Variants in ZFHX3 observed in about 807,000 individuals in gnomAD.
The protein encoded by ZFHX3 is zinc finger homeobox protein 3.
A neutral mutation model predicts 279.1 loss-of-function variants in ZFHX3; 42 were observed. The ratio of observed to expected loss-of-function variants is 0.15; its 90% CI spans 0.12 to 0.19. The LOEUF is 0.19. Ranked by LOEUF, ZFHX3 falls within the 10% of genes least tolerant of loss-of-function variation. The pLI is 1.00. For synonymous variants in ZFHX3, 2,293 were observed against 1,957.8 expected (o/e 1.17, Z -4.52); for missense variants, 4,981 against 4,754.0 (o/e 1.05, Z -1.40).
At chr16:73,456,860 T>C (rs1000516553) in intron 2 of ZFHX3, among the ~76,000 whole-genome samples, 4 of 152,148 alleles carry the variant, frequency 2.6e-5, no homozygotes, top group African/African-American at 9.7e-5. Flanking sequence ...AACTGATAAT[T>C]CTCTGCTGGC....
At chr16:72,927,821 A>G (rs1378889764) in intron 3 of ZFHX3, among the ~76,000 whole-genome samples, 1 of 151,956 alleles carries the variant, frequency 6.6e-6, no homozygotes, top group Non-Finnish European at 1.5e-5. Flanking sequence ...TGGCTCATGT[A>G]TTTACAAACT....
rs184720693 is a variant in ZFHX3 at position 73,243,207 on chromosome 16, T to C, written c.-1104+13840A>G. On this transcript the variant is annotated intron_variant, in intron 5 of 17. Transcript: ENST00000641206. ...GTATCAACATTTTGAAGTGGTTATA[T>C]AGGCCTGGTGGGATGGGTGTCCCTT... is the stretch of plus-strand genomic sequence containing the variant. Among the ~76,000 whole-genome samples the C allele has an allele frequency of 1.6e-4, 24 of 152,356 alleles. No homozygotes were observed. In the East Asian group the frequency reaches 3.5e-3, roughly 22 times the overall value.
Position 73,764,630 on chromosome 16 carries a change from C to A in ZFHX3, c.-1607-84390G>T, listed in dbSNP as rs368505338. Among the ~76,000 whole-genome samples the A allele has an allele frequency of 5.4e-4, 82 of 152,218 alleles. 1 individual carries two copies. Among genetic ancestry groups the A allele is most frequent in the African/African-American group, 1.4e-3 (60 of 41,542 alleles). On this transcript the variant is annotated intron_variant, in intron 1 of 17. Transcript: ENST00000641206. The stretch of plus-strand genomic sequence containing the variant: ...CTCAAGATGAGAAGGAAGGAGAGCT[C>A]TCTATGTTCGTAGTCCAGCCATATA...
intron 3 of ZFHX3, among the ~76,000 whole-genome samples, chr16:73,405,815 C>T (rs2017348121): frequency 6.6e-6 from 1 of 152,184 alleles, no homozygotes. Flanking sequence ...TTTTGGTAAA[C>T]AGATGACTGG....
chr16:73,620,362 TG>T (rs2052346338), intron 2 of ZFHX3, among the ~76,000 whole-genome samples: 2 of 152,274 alleles, frequency 1.3e-5, no homozygotes, highest in Non-Finnish European at 1.5e-5. Context: ...TGGCAATAAA[TG>T]GGGGAAAAAA....
chr16:72,834,467 C>T (rs1359027822), intron 4 of ZFHX3, among the ~76,000 whole-genome samples: 2 of 152,216 alleles, frequency 1.3e-5, no homozygotes, highest in Non-Finnish European at 2.9e-5. Flanking sequence ...GATGATACCC[C>T]AGTCCCAGAA....
At chr16:73,267,406 C>G (rs1399883329) in intron 4 of ZFHX3, among the ~76,000 whole-genome samples, 2 of 152,040 alleles carry the variant, frequency 1.3e-5, no homozygotes, top group Non-Finnish European at 2.9e-5. Flanking sequence ...GTACTTCCGA[C>G]TCGGTTTGAA....
chr16:73,795,558 G>A (rs1239046930), intron 1 of ZFHX3, among the ~76,000 whole-genome samples: 2 of 151,996 alleles, frequency 1.3e-5, no homozygotes, highest in Non-Finnish European at 2.9e-5. Context: ...TTAAAATCCT[G>A]AATAGAGAAC....
intron 1 of ZFHX3, among the ~76,000 whole-genome samples, chr16:73,842,945 G>A (rs1027993887): frequency 6.6e-6 from 1 of 152,164 alleles, no homozygotes; most frequent in African/African-American, 2.4e-5. Flanking sequence ...TCTGTGAATG[G>A]AACCCCCACT....
chr16:73,527,929 G>A (rs4888450), intron 2 of ZFHX3, among the ~76,000 whole-genome samples: 15,433 of 152,232 alleles, frequency 0.1, 819 homozygotes, highest in South Asian at 0.17. Context: ...CCAAACTCCT[G>A]ACCCAGGGAA....
At chr16:73,688,138 C>T (rs1016430343) in intron 1 of ZFHX3, among the ~76,000 whole-genome samples, 7 of 151,818 alleles carry the variant, frequency 4.6e-5, no homozygotes, top group Admixed American at 6.6e-5. Flanking sequence ...AGGTGGATCA[C>T]CTGAGGTCAG....
chr16:72,937,737 G>A (rs564159823), intron 3 of ZFHX3, among the ~76,000 whole-genome samples: 4 of 152,280 alleles, frequency 2.6e-5, no homozygotes, highest in Non-Finnish European at 5.9e-5. Flanking sequence ...CACTGCAGAG[G>A]GAAGGAAGGA....
In ZFHX3 at chr16:73,457,700, G is replaced by C. The variant is rs971475188; in HGVS notation, c.-1546-1442C>G. 3.4e-4 allele frequency among the ~76,000 whole-genome samples: 51 copies of C among 152,202 alleles called. 1 individual carries two copies. Among genetic ancestry groups the C allele is most frequent in the African/African-American group, 1.2e-3 (51 of 41,454 alleles). The stretch of plus-strand genomic sequence containing the variant: ...TGAGGCATGAGAATCGCTTGAGCCT[G>C]GGAGGCGGAGGTTGCAGCGAGCCGA... On this transcript the variant is annotated intron_variant, in intron 2 of 17. Coordinates refer to the ZFHX3 transcript ENST00000641206.
chr16:73,475,515 T>A (rs914858147), intron 2 of ZFHX3, among the ~76,000 whole-genome samples: 3 of 152,176 alleles, frequency 2.0e-5, no homozygotes, highest in African/African-American at 7.2e-5. Context: ...CATTATTTTT[T>A]AATCTTTTTT....
chr16:73,881,482 C>CCCCCCG (rs2030156742), intron 1 of ZFHX3, among the ~76,000 whole-genome samples: 1 of 69,628 alleles, frequency 1.4e-5, no homozygotes, highest in East Asian at 6.3e-4. Flanking sequence ...CTCTCTCTGC[C>CCCCCCG]CCCCCCCCCC....
rs150375183 is a variant in ZFHX3 at position 73,094,067 on chromosome 16, C to T, written c.-896-469G>A. ...GTTGTGGGGTTGAGTGTGGACCCCC[C>T]CAACCCCCTACAAATGCACACACAA... On this transcript the variant is annotated intron_variant, in intron 7 of 17. Coordinates refer to the ZFHX3 transcript ENST00000641206. Among the ~76,000 whole-genome samples, 149 of 152,204 alleles carry T rather than the reference C, an allele frequency of 9.8e-4. 2 individuals carry two copies. The East Asian group carries it at 0.016, about 16-fold the overall frequency.
chr16:72,977,262 G>T (rs1962390396), intron 1 of ZFHX3, among the ~76,000 whole-genome samples: 1 of 152,196 alleles, frequency 6.6e-6, no homozygotes, highest in Admixed American at 6.5e-5. Context: ...TCCACACACA[G>T]TGCAGCAGGT....
intron 3 of ZFHX3, among the ~76,000 whole-genome samples, chr16:72,950,053 C>A (rs1337277764): frequency 2.1e-5 from 3 of 145,316 alleles, no homozygotes; most frequent in African/African-American, 7.7e-5. Flanking sequence ...GAACAAAACA[C>A]CCCAGGAGCA....
At chr16:73,100,381 C>T (rs1966215774) in intron 7 of ZFHX3, among the ~76,000 whole-genome samples, 1 of 152,126 alleles carries the variant, frequency 6.6e-6, no homozygotes. Flanking sequence ...ACGATCTCAC[C>T]AACGGGCATG....
Sources: gnomAD v4.1 joint callset for allele counts (sites outside exome capture counted in the v4.1 genomes callset) on GRCh38, gnomAD v4.1.1 for gene constraint, MANE v1.5 for transcripts, NCBI Gene and HGNC (gene_info 2026-07-23, HGNC 2026-07-21) for gene names.